The following NOTCH3 variants were observed in gnomAD, a reference collection of about 807,000 sequenced individuals.
The protein encoded by NOTCH3 is neurogenic locus notch homolog protein 3.
Under a neutral mutation model 213.3 loss-of-function variants are expected in NOTCH3, and 86 were observed. The observed-to-expected ratio is 0.40, with a 90% CI of 0.34 to 0.48. The LOEUF is 0.48. NOTCH3 is among the 20% of genes least tolerant of loss of function. The probability of loss-of-function intolerance (pLI) is 0.57; values close to 1 mark genes in which losing one functional copy is unlikely to be tolerated. For synonymous variants in NOTCH3, 1,354 were observed against 1,355.9 expected (o/e 1.00, Z 0.03); for missense variants, 2,783 against 3,272.6 (o/e 0.85, Z 3.65).
rs1436027021 is a variant in NOTCH3, at chr19:15,184,935, G to A, written c.2381C>T (p.Pro794Leu). Residue 794 changes from proline to leucine, a missense_variant, in exon 15 of 33, where the codon CCT becomes CTT. Around this residue, in one of 6 missense-constraint regions of NOTCH3, gnomAD observed 861 missense variants for 909.1 expected, o/e 0.95. Coordinates refer to ENST00000263388, the MANE Select transcript of NOTCH3 (RefSeq NM_000435.3). ...GRCESAPGQL[P>L]VCSCPQGWQG... ...CCAGCCCTGGGGGCAGGAGCAGACA[G>A]GCAGCTGGCCAGGGGCAGACTCGCA... is the stretch of plus-strand genomic sequence containing the variant. 1.3e-6 allele frequency: 2 copies of A among 1,550,054 alleles called. No individual in the cohort carries two copies. The highest frequency in any genetic ancestry group is 8.7e-7 in the Non-Finnish European group (1 of 1,146,194).
rs1244961873 is a variant in NOTCH3 at position 15,161,165 on chromosome 19, C to T, written c.6463G>A (p.Gly2155Arg). ...AGCAGGCCCAGGCTGAGTACACATC[C>T]TCCAGGGGGCTGGCGCCCTAGACCC... is the stretch of plus-strand genomic sequence containing the variant. ...RAGLGRQPPG[G>R]CVLSLGLLNP... The change falls in exon 33 of 33, where the codon GGA becomes AGA. Residue 2155 changes from glycine (G) to arginine (R), a missense_variant. By Grantham distance (125) the Gly-to-Arg change is moderately radical. This residue lies in a region of NOTCH3 where 441 missense variants were observed against 432.1 expected (regional missense o/e 1.02). Coordinates refer to ENST00000263388, the MANE Select transcript of NOTCH3 (RefSeq NM_000435.3). 2 of 1,539,088 alleles carry T rather than the reference C, an allele frequency of 1.3e-6. No individual in the cohort carries two copies. Among genetic ancestry groups the T allele is most frequent in the East Asian group, 2.4e-5 (1 of 41,318 alleles).
At chr19:15,179,327 C>T (rs762107488) in intron 21 of NOTCH3, 37 bp downstream of exon 21, 20 of 1,611,076 alleles carry the variant, frequency 1.2e-5, no homozygotes, top group Non-Finnish European at 1.7e-5. Flanking sequence ...TGAAGACAGC[C>T]TCTCATCCTG....
At chr19:15,197,441 G>GGGGGGGCCCCCCC in intron 2 of NOTCH3, 59 bp downstream of exon 2, 1 of 768,364 alleles carries the variant, frequency 1.3e-6, no homozygotes, top group Non-Finnish European at 2.3e-6. Context: ...AAGACAAATC[G>GGGGGGGCCCCCCC]CCCCTCCCCC....
Position 15,187,600 on chromosome 19 carries a change from C to T in NOTCH3, c.1607-262G>A, listed in dbSNP as rs541660290. On this transcript the variant is annotated intron_variant, in intron 10 of 32. Transcript: ENST00000263388. ...GGCCCCACCTCCAGCCCTGTTTCTG[C>T]CCCACCCTCCACTGGAGATGGGAGC... is the stretch of plus-strand genomic sequence containing the variant. Among the ~76,000 whole-genome samples, 4 of 152,158 alleles carry T rather than the reference C, an allele frequency of 2.6e-5. No individual in the cohort carries two copies. The East Asian group carries it at 5.8e-4, about 22-fold the overall frequency.
intron 25 of NOTCH3, among the ~76,000 whole-genome samples, chr19:15,173,086 CTTCTTCTTCTTCTTCTTCTTTTTTTTTTT>C (rs2046751169): frequency 5.8e-5 from 2 of 34,484 alleles, no homozygotes; most frequent in African/African-American, 2.9e-4. Flanking sequence ...TCTTCTTCTT[CTTCTTCTTCTTCTTCTTCTTTTTTTTTTT>C]TTTTTTTTTT....
chr19:15,176,925 A>G (rs1159614191), intron 24 of NOTCH3, among the ~76,000 whole-genome samples: 2 of 150,640 alleles, frequency 1.3e-5, no homozygotes, highest in African/African-American at 2.5e-5. Context: ...ACAAAAAAAA[A>G]GCCAGGCGTG....
chr19:15,160,658 C>A lies in NOTCH3; in HGVS notation c.*4G>T, dbSNP rs182111655. On this transcript the variant is annotated 3_prime_UTR_variant, in exon 33 of 33. Transcript: ENST00000263388. ...CCCCCAAGATCTAAGAACTGACGAG[C>A]GTCTCAGGCCAACACTTGCCTCTTG... is the stretch of plus-strand genomic sequence containing the variant. The A allele has an allele frequency of 6.2e-7, 1 of 1,611,664 alleles. No individual in the cohort carries two copies. Among genetic ancestry groups the A allele is most frequent in the Non-Finnish European group, 8.5e-7 (1 of 1,177,768 alleles).
Position 15,184,995 on chromosome 19 carries a change from G to A in NOTCH3, c.2321C>T (p.Pro774Leu), listed in dbSNP as rs757980886. 4 of 1,530,358 alleles carry A rather than the reference G, an allele frequency of 2.6e-6. No homozygotes were observed. The highest frequency in any genetic ancestry group is 2.5e-5 in the East Asian group (1 of 40,714). The allele number at this position is 1,530,358 out of a possible 1,614,324, so 94.8% of individuals were successfully genotyped here. The change falls in exon 15 of 33, where the codon CCC (proline) becomes CTC (leucine). Residue 774 changes from proline (P) to leucine (L), a missense_variant. Pro to Leu is a moderately conservative substitution (Grantham distance 98). Coordinates refer to ENST00000263388, the MANE Select transcript of NOTCH3 (RefSeq NM_000435.3). Reference protein sequence around the residue: ...VQGRQCELLSPCTPNPCEHGG... With the variant: ...VQGRQCELLSLCTPNPCEHGG... Reference sequence around the variant, plus strand: ...ATGCTCACAGGGGTTCGGGGTGCAGGGGGAGAGGAGTTCACACTGACGTCC... The same window carrying A: ...ATGCTCACAGGGGTTCGGGGTGCAGAGGGAGAGGAGTTCACACTGACGTCC...
In NOTCH3 at chr19:15,180,834, G is replaced by A. The variant is rs552141058; in HGVS notation, c.2995-6C>T. On this transcript the variant is annotated splice_polypyrimidine_tract_variant and splice_region_variant and intron_variant, in intron 18 of 32. Transcript: ENST00000263388. ...CTGCACCAATCCACCAGCGTCTGGA[G>A]GGGAAGCACTCAGAGTCAGTACTGT... is the stretch of plus-strand genomic sequence containing the variant. 8.3e-5 allele frequency: 134 copies of A among 1,612,520 alleles called. No homozygotes were observed. In the Middle Eastern group the frequency reaches 9.9e-4, roughly 12 times the overall value.
At chr19:15,187,587 A>T (rs1009947499) in intron 10 of NOTCH3, among the ~76,000 whole-genome samples, 21 of 148,854 alleles carry the variant, frequency 1.4e-4, no homozygotes, top group African/African-American at 4.2e-4. Flanking sequence ...CCCCACCTCC[A>T]GCCCTGTTTC....
At chr19:15,164,629 T>C (rs1386907311) in intron 31 of NOTCH3, among the ~76,000 whole-genome samples, 1 of 152,000 alleles carries the variant, frequency 6.6e-6, no homozygotes, top group African/African-American at 2.4e-5. Context: ...TCAGTCACAT[T>C]TCAAGTCACT....
rs770385736 is a variant in NOTCH3 at position 15,170,468 on chromosome 19, G to A, written c.4977C>T (p.Val1659=). 1.9e-6 allele frequency: 3 copies of A among 1,608,056 alleles called. No homozygotes were observed. Among genetic ancestry groups the A allele is most frequent in the African/African-American group, 2.7e-5 (2 of 75,056 alleles). ...AGAVLLLVIL[V]LGVMVARRKR... is the part of the protein sequence containing the mutation. ...TGCGCCGGGCCACCATGACACCCAG[G>A]ACGAGAATGACCAGCAGCAAGACAG... The change falls in exon 27 of 33, where the codon GTC becomes GTT. Residue 1659 remains valine, a synonymous_variant. Coordinates refer to ENST00000263388, the MANE Select transcript of NOTCH3 (RefSeq NM_000435.3).
intron 2 of NOTCH3, among the ~76,000 whole-genome samples, chr19:15,196,742 T>C (rs1222202165): frequency 6.6e-6 from 1 of 152,154 alleles, no homozygotes; most frequent in Non-Finnish European, 1.5e-5. Context: ...TTAATGTATG[T>C]TGAGTGCATA....
rs1285621353 is a variant in NOTCH3 at position 15,184,501 on chromosome 19, G to A, written c.2411-51C>T. ...CTAGGGTTACAGGGTACAGAGCAGGGTCTCAGGGACCTGGGGCTCAGGAAG... is the reference window on the plus strand; with the variant it reads ...CTAGGGTTACAGGGTACAGAGCAGGATCTCAGGGACCTGGGGCTCAGGAAG... On this transcript the variant is annotated intron_variant, in intron 15 of 32. Coordinates refer to ENST00000263388, the MANE Select transcript of NOTCH3 (RefSeq NM_000435.3). The A allele has an allele frequency of 1.9e-6, 3 of 1,580,514 alleles. No individual in the cohort carries two copies. In the Admixed American group the frequency reaches 5.0e-5, roughly 27 times the overall value.
intron 24 of NOTCH3, 68 bp downstream of exon 24, chr19:15,177,457 A>T: frequency 2.1e-6 from 3 of 1,412,480 alleles, no homozygotes; most frequent in Non-Finnish European, 9.8e-7. Context: ...AAAGAGAGGC[A>T]GGGCCCACGG....
rs575635897 is a variant in NOTCH3, at chr19:15,159,531, T to A, written c.*1131A>T. 4.9e-6 allele frequency: 1 copy of A among 206,160 alleles called. No homozygotes were observed. The highest frequency in any genetic ancestry group is 7.4e-5 in the East Asian group (1 of 13,556). 12.8% of individuals were successfully genotyped at this position (206,160 alleles called of 1,614,324 possible). A position where few individuals can be genotyped will look rare whatever the true frequency, so the allele number is the denominator to read the frequency against. On this transcript the variant is annotated 3_prime_UTR_variant, in exon 33 of 33. Coordinates refer to ENST00000263388, the MANE Select transcript of NOTCH3 (RefSeq NM_000435.3). Reference sequence around the variant, plus strand: ...AGCATAAGTAGACTGGCAAGTCAAATGTATTTACCCCAAGATGGGAGCTCA... The same window carrying A: ...AGCATAAGTAGACTGGCAAGTCAAAAGTATTTACCCCAAGATGGGAGCTCA...
intron 10 of NOTCH3, among the ~76,000 whole-genome samples, chr19:15,187,673 C>T (rs574654351): frequency 4.6e-5 from 7 of 152,282 alleles, no homozygotes; most frequent in African/African-American, 1.4e-4. Context: ...CATTCAGTTA[C>T]AGGCACCCTG....
Position 15,170,366 on chromosome 19 carries a change from C to T in NOTCH3, c.5079G>A (p.Arg1693=), listed in dbSNP as rs112441254. The change falls in exon 27 of 33, where the codon CGG becomes CGA. Residue 1693 remains arginine (R), a synonymous_variant. Coordinates refer to ENST00000263388, the MANE Select transcript of NOTCH3 (RefSeq NM_000435.3). ...GCGCGTCCTGGCCCACGGGTTCCCGCCGGCCCTTGTGACCAGAGGCCACGT... is the reference window on the plus strand; with the variant it reads ...GCGCGTCCTGGCCCACGGGTTCCCGTCGGCCCTTGTGACCAGAGGCCACGT... The part of the protein sequence containing the change: ...HKDVASGHKG[R]REPVGQDALG... 1.2e-5 allele frequency: 20 copies of T among 1,613,760 alleles called. No homozygotes were observed. Among genetic ancestry groups the T allele is most frequent in the Non-Finnish European group, 1.6e-5 (19 of 1,180,012 alleles).
intron 29 of NOTCH3, among the ~76,000 whole-genome samples, 163 bp from the exon 30 acceptor site, chr19:15,166,254 C>A (rs80353222): frequency 7.9e-5 from 12 of 152,236 alleles, no homozygotes; most frequent in Middle Eastern, 3.4e-3. Context: ...TTCGTGGGCA[C>A]GTGATTTGTC....
Sources: gnomAD v4.1 joint callset for allele counts (sites outside exome capture counted in the v4.1 genomes callset) on GRCh38, gnomAD v4.1.1 for gene constraint, gnomAD v4.1.1 regional missense constraint, MANE v1.5 for transcripts, NCBI Gene and HGNC (gene_info 2026-07-23, HGNC 2026-07-21) for gene names.